Variants in FAM153A observed in about 807,000 individuals in gnomAD.
FAM153A encodes family with sequence similarity 153 member A, also known as protein FAM153A.
Under a neutral mutation model 48.1 loss-of-function variants are expected in FAM153A, and 12 were observed. The ratio of observed to expected loss-of-function variants is 0.25; its 90% CI spans 0.16 to 0.40. FAM153A has a LOEUF of 0.40. Ranked by LOEUF, FAM153A falls within the 10% of genes least tolerant of loss-of-function variation. The pLI, the probability that FAM153A is intolerant of heterozygous loss-of-function variation, is 1.00. For missense variants in FAM153A, 111 were observed against 345.8 expected, an observed-to-expected ratio of 0.32 and a Z score of 5.38; for synonymous variants, 36 against 118.2, an observed-to-expected ratio of 0.30 and a Z score of 4.51.
Position 177,730,677 on chromosome 5 carries a change from A to C in FAM153A, c.862+892T>G, listed in dbSNP as rs1286543204. 8.5e-3 allele frequency among the ~76,000 whole-genome samples: 1,178 copies of C among 138,556 alleles called. 1 individual carries two copies. The highest frequency in any genetic ancestry group is 0.027 in the African/African-American group (951 of 35,376). The allele number at this position is 138,556 out of a possible 152,430, so 90.9% of individuals were successfully genotyped here. On this transcript the variant is annotated intron_variant, in intron 16 of 20. Coordinates refer to ENST00000614127, the Ensembl canonical transcript of FAM153A. Reference sequence around the variant, plus strand: ...CAGTTGGCCTAGGAAGAAACTATACAAGGGCTTTGTGACAAATTCAGTGTA... The same window carrying C: ...CAGTTGGCCTAGGAAGAAACTATACCAGGGCTTTGTGACAAATTCAGTGTA...
At chr5:177,731,768 AT>A (rs201360428) in intron 15 of FAM153A, among the ~76,000 whole-genome samples, 169 bp from the exon 18 acceptor site, 552 of 14,638 alleles carry the variant, frequency 0.038, 73 homozygotes, top group African/African-American at 0.14. Context: ...AACATTTTCA[AT>A]TGTTTCTGTT....
At position 177,734,974 on chromosome 5, in the gene FAM153A, T is replaced by C. The variant is rs367842022; in HGVS notation, c.665-41A>G. The C allele has an allele frequency of 6.9e-4, 975 of 1,421,734 alleles. 9 individuals are homozygous for C. The highest frequency in any genetic ancestry group is 2.9e-3 in the South Asian group (226 of 77,264). The allele number at this position is 1,421,734 out of a possible 1,614,324, so 88.1% of individuals were successfully genotyped here. ...GTGACCATCAGCACCTTGGTGGTGG[T>C]GCTCATGAACAATTCAGTAACACTG... On this transcript the variant is annotated intron_variant, in intron 12 of 20. Transcript: ENST00000614127.
chr5:177,730,285 C>G (rs1315090404), intron 16 of FAM153A, among the ~76,000 whole-genome samples: 1 of 121,160 alleles, frequency 8.3e-6, no homozygotes, highest in Non-Finnish European at 1.9e-5. Context: ...GCAGGAGATT[C>G]CTGCAGGGAA....
At chr5:177,708,106 CTG>C (rs1336636076), downstream of FAM153A, 2 of 153,700 alleles carry the variant, frequency 1.3e-5, no homozygotes, top group African/African-American at 4.9e-5. Flanking sequence ...TAAACATAAA[CTG>C]TGGTCACCCA....
At chr5:177,754,122 C>T (rs1482994479), upstream of FAM153A, among the ~76,000 whole-genome samples, 22 of 151,820 alleles carry the variant, frequency 1.4e-4, no homozygotes, top group African/African-American at 5.1e-4. Context: ...CCTGGAAAAT[C>T]AGGTCACTCC....
At chr5:177,698,537 CTATA>C in the FAM153A span, among the ~76,000 whole-genome samples, 19 of 151,758 alleles carry the variant, frequency 1.3e-4, no homozygotes, top group African/African-American at 4.4e-4. Context: ...TTTTGAAAAT[CTATA>C]TACCTCCTTT....
At chr5:177,760,938 T>C (rs1266030540) in intron 1 of FAM153A, among the ~76,000 whole-genome samples, 2 of 150,212 alleles carry the variant, frequency 1.3e-5, no homozygotes, top group African/African-American at 2.5e-5. Context: ...AAACAAACAT[T>C]TCAATTTGCT....
intron 18 of FAM153A, among the ~76,000 whole-genome samples, chr5:177,726,280 C>CAA (rs202188815): frequency 1.7e-5 from 2 of 118,200 alleles, no homozygotes; most frequent in Non-Finnish European, 3.4e-5. Context: ...TCTCTATTCA[C>CAA]AAAAAAATGC....
At chr5:177,776,613 C>G (rs558816502) in intron 1 of FAM153A, among the ~76,000 whole-genome samples, 1 of 77,240 alleles carries the variant, frequency 1.3e-5, no homozygotes, top group African/African-American at 5.5e-5. Context: ...TAAAAGAGGA[C>G]ACAAACAAAT....
chr5:177,758,723 G>C (rs1294405751), intron 1 of FAM153A, among the ~76,000 whole-genome samples: 1 of 150,802 alleles, frequency 6.6e-6, no homozygotes, highest in East Asian at 1.9e-4. Context: ...CAAGAAATGG[G>C]GAAAGGATTC....
At chr5:177,695,792 T>C in the FAM153A span, among the ~76,000 whole-genome samples, 2 of 151,686 alleles carry the variant, frequency 1.3e-5, no homozygotes, top group African/African-American at 2.4e-5. Flanking sequence ...TGGGTACACC[T>C]CCCAGATGGG....
At chr5:177,702,694 C>T in the FAM153A span, among the ~76,000 whole-genome samples, 5 of 151,968 alleles carry the variant, frequency 3.3e-5, no homozygotes, top group South Asian at 4.1e-4. Context: ...TGTGCAGCCT[C>T]GGGACACTGC....
chr5:177,782,831 T>A (rs1044907461), upstream of FAM153A: 4 of 78,396 alleles, frequency 5.1e-5, 1 homozygote, highest in Non-Finnish European at 1.0e-4. Flanking sequence ...TCAGACCTAG[T>A]GAGCCTCGCA....
At chr5:177,740,948 A>G in intron 7 of FAM153A, 147 bp from the exon 10 acceptor site, 2 of 591,384 alleles carry the variant, frequency 3.4e-6, no homozygotes, top group Non-Finnish European at 5.3e-6. Context: ...TAAAGCCTAG[A>G]GGGCACGTGG....
chr5:177,734,798 T>G (rs1764430713), intron 13 of FAM153A, 65 bp downstream of exon 15: 2 of 1,608,774 alleles, frequency 1.2e-6, no homozygotes, highest in South Asian at 2.2e-5. Context: ...TATCTTAATT[T>G]AATCCAAATA....
downstream of FAM153A, among the ~76,000 whole-genome samples, chr5:177,709,253 G>A (rs1424848691): frequency 7.7e-6 from 1 of 130,318 alleles, no homozygotes; most frequent in East Asian, 2.2e-4. Flanking sequence ...AGACAAAAAG[G>A]AATCTTTTTT....
chr5:177,738,880 G>A (rs555799862), intron 10 of FAM153A, among the ~76,000 whole-genome samples: 3 of 150,964 alleles, frequency 2.0e-5, no homozygotes, highest in East Asian at 1.9e-4. Context: ...TCTTATACCC[G>A]CCCCCCACCT....
upstream of FAM153A, among the ~76,000 whole-genome samples, chr5:177,781,264 A>ATTTTTTTTTTTTTTTT (rs1303137176): frequency 1.5e-4 from 11 of 75,308 alleles, no homozygotes; most frequent in African/African-American, 1.8e-4. Context: ...ACGCCCGGCT[A>ATTTTTTTTTTTTTTTT]TTTTTTTTTT....
chr5:177,704,850 A>T (rs1057507250), downstream of FAM153A, among the ~76,000 whole-genome samples: 1 of 151,380 alleles, frequency 6.6e-6, no homozygotes, highest in Non-Finnish European at 1.5e-5. Context: ...AATACAAAAA[A>T]TCAGCTGGAC....
Sources: allele counts gnomAD v4.1 joint callset (sites outside exome capture counted in the v4.1 genomes callset), GRCh38; gene constraint gnomAD v4.1.1; transcripts MANE v1.5; gene names NCBI Gene and HGNC (gene_info 2026-07-23, HGNC 2026-07-21).